Variants in STAG1 observed in about 807,000 individuals in gnomAD.
The protein encoded by STAG1 is STAG1 cohesin complex component, also known as cohesin subunit SA-1.
A neutral mutation model predicts 170.9 loss-of-function variants in STAG1; 26 were observed. That is an observed-to-expected ratio of 0.15 (90% CI 0.11 to 0.21). The LOEUF is 0.21. Among genes scored for constraint, STAG1 ranks in the 10% least tolerant of loss-of-function variants. The probability of loss-of-function intolerance (pLI) is 1.00; values close to 1 mark genes in which losing one functional copy is unlikely to be tolerated. For synonymous variants in STAG1, 514 were observed against 497.7 expected (o/e 1.03, Z -0.44); for missense variants, 964 against 1,509.5 (o/e 0.64, Z 5.99).
intron 1 of STAG1, among the ~76,000 whole-genome samples, chr3:136,694,853 G>A (rs1942836090): frequency 6.6e-6 from 1 of 152,148 alleles, no homozygotes; most frequent in Non-Finnish European, 1.5e-5. Flanking sequence ...AGGAAGAATA[G>A]TAGGGTAAGA....
In STAG1 at chr3:136,421,089, G is replaced by T. The variant is rs185917166; in HGVS notation, c.2108+4C>A. 6.3e-7 allele frequency: 1 copy of T among 1,585,760 alleles called. No homozygotes were observed. Among genetic ancestry groups the T allele is most frequent in the South Asian group, 1.1e-5 (1 of 88,340 alleles). On this transcript the variant is annotated splice_donor_region_variant and intron_variant, in intron 20 of 33. Transcript: ENST00000383202. ...TTGCCTTTACTTTAAATAAAATAAC[G>T]TACTTGTGAAAAGAAGTTAACCGCT...
chr3:136,399,139 ATTT>A (rs113658369), intron 21 of STAG1, among the ~76,000 whole-genome samples: 7 of 152,318 alleles, frequency 4.6e-5, no homozygotes, highest in African/African-American at 1.4e-4. Context: ...TGATGAAATT[ATTT>A]TTATCCAAAT....
chr3:136,479,482 G>A (rs1254709860), intron 9 of STAG1, among the ~76,000 whole-genome samples: 1 of 78,122 alleles, frequency 1.3e-5, no homozygotes, highest in Non-Finnish European at 2.8e-5. Flanking sequence ...TATCATTGTT[G>A]GACATTTGGG....
At chr3:136,559,124 C>CCTACCTAT (rs10638863) in intron 5 of STAG1, among the ~76,000 whole-genome samples, 2 of 144,102 alleles carry the variant, frequency 1.4e-5, no homozygotes, top group Admixed American at 6.9e-5. Flanking sequence ...CACTGAACTA[C>CCTACCTAT]CTATCTATCT....
At chr3:136,382,180 T>C (rs1297877901) in intron 22 of STAG1, among the ~76,000 whole-genome samples, 3 of 152,274 alleles carry the variant, frequency 2.0e-5, no homozygotes, top group East Asian at 3.9e-4. Context: ...TTGATTAGTA[T>C]GTAAGAAAGT....
At chr3:136,643,932 A>G (rs1219593600) in intron 1 of STAG1, among the ~76,000 whole-genome samples, 2 of 152,224 alleles carry the variant, frequency 1.3e-5, no homozygotes, top group Non-Finnish European at 2.9e-5. Flanking sequence ...TTCGTAAACA[A>G]TAATTTTCAA....
intron 21 of STAG1, among the ~76,000 whole-genome samples, chr3:136,402,188 GAGTT>G (rs1328592786): frequency 3.3e-5 from 5 of 151,922 alleles, no homozygotes; most frequent in Non-Finnish European, 7.4e-5. Context: ...AACTAGTTGA[GAGTT>G]AGAGCTGATT....
At chr3:136,455,732 TG>T (rs2089092783) in intron 13 of STAG1, among the ~76,000 whole-genome samples, 1 of 152,226 alleles carries the variant, frequency 6.6e-6, no homozygotes, top group Non-Finnish European at 1.5e-5. Context: ...AATCCCTAGA[TG>T]TATTTTCCAC....
intron 1 of STAG1, among the ~76,000 whole-genome samples, chr3:136,639,702 T>C (rs1251731922): frequency 1.3e-5 from 2 of 152,222 alleles, no homozygotes; most frequent in Admixed American, 6.5e-5. Flanking sequence ...TAAGTTTGTA[T>C]AGCCCCATGA....
At chr3:136,751,829 C>A (rs1378484688) in intron 1 of STAG1, among the ~76,000 whole-genome samples, 3 of 150,254 alleles carry the variant, frequency 2.0e-5, no homozygotes, top group Admixed American at 6.6e-5. Flanking sequence ...GGAGGGCGGG[C>A]TTGGCGGCGG....
At chr3:136,368,366 C>T (rs1413942511) in intron 24 of STAG1, among the ~76,000 whole-genome samples, 2 of 152,130 alleles carry the variant, frequency 1.3e-5, no homozygotes, top group African/African-American at 4.8e-5. Flanking sequence ...TATCATTCTG[C>T]AGGCATAGCA....
At chr3:136,494,305 T>A (rs951745106) in intron 9 of STAG1, among the ~76,000 whole-genome samples, 3 of 151,830 alleles carry the variant, frequency 2.0e-5, no homozygotes, top group African/African-American at 4.8e-5. Flanking sequence ...AAACAAAACT[T>A]AAAAAAATTC....
At chr3:136,668,629 G>A (rs1191614865) in intron 1 of STAG1, among the ~76,000 whole-genome samples, 1 of 151,918 alleles carries the variant, frequency 6.6e-6, no homozygotes, top group Non-Finnish European at 1.5e-5. Context: ...GGGGAAATCA[G>A]GAAAGGACAC....
chr3:136,716,647 T>G (rs1367127628), intron 1 of STAG1, among the ~76,000 whole-genome samples: 1 of 152,150 alleles, frequency 6.6e-6, no homozygotes, highest in Admixed American at 6.5e-5. Flanking sequence ...ACCCTGTCTC[T>G]TTAAAAAGAA....
intron 9 of STAG1, among the ~76,000 whole-genome samples, chr3:136,492,589 A>T (rs973069088): frequency 6.6e-6 from 1 of 152,244 alleles, no homozygotes; most frequent in Admixed American, 6.5e-5. Flanking sequence ...GTCAGAGCAG[A>T]ATGGTAATCT....
At chr3:136,514,716 G>C (rs184118283) in intron 7 of STAG1, among the ~76,000 whole-genome samples, 9 of 152,292 alleles carry the variant, frequency 5.9e-5, no homozygotes, top group Admixed American at 3.9e-4. Context: ...TATACACCAT[G>C]GAATACTATG....
At chr3:136,608,008 G>A (rs1002445918) in intron 3 of STAG1, among the ~76,000 whole-genome samples, 1 of 152,158 alleles carries the variant, frequency 6.6e-6, no homozygotes, top group Non-Finnish European at 1.5e-5. Flanking sequence ...TGTAATCCCA[G>A]CACCTTGGGA....
At chr3:136,624,102 G>A (rs1330477191) in intron 2 of STAG1, among the ~76,000 whole-genome samples, 1 of 151,510 alleles carries the variant, frequency 6.6e-6, no homozygotes, top group Non-Finnish European at 1.5e-5. Flanking sequence ...CTCTTATATT[G>A]GAATCTTTTT....
chr3:136,566,543 C>T (rs544785781), intron 5 of STAG1, among the ~76,000 whole-genome samples: 2 of 152,274 alleles, frequency 1.3e-5, no homozygotes, highest in African/African-American at 4.8e-5. Context: ...TTGTATATTA[C>T]GTGAACTTCA....
Sources: allele counts gnomAD v4.1 joint callset (sites outside exome capture counted in the v4.1 genomes callset), GRCh38; gene constraint gnomAD v4.1.1; transcripts MANE v1.5; gene names NCBI Gene and HGNC (gene_info 2026-07-23, HGNC 2026-07-21).